Variants in UBTD1 observed in about 807,000 individuals in gnomAD.
The protein encoded by UBTD1 is ubiquitin domain-containing protein 1.
In UBTD1, 19 loss-of-function variants were observed where a neutral mutation model predicts 21.7. That is an observed-to-expected ratio of 0.87 (90% CI 0.61 to 1.28). The LOEUF (loss-of-function observed/expected upper bound fraction) is 1.28. Ranked by LOEUF, UBTD1 falls within the 50% of genes most tolerant of loss-of-function variation. The pLI is 0.00. For missense variants in UBTD1, 282 were observed against 315.1 expected (o/e 0.89, Z 0.80); for synonymous variants, 116 against 135.1 (o/e 0.86, Z 0.98).
chr10:97,540,119 T>C (rs1463092516), intron 1 of UBTD1, among the ~76,000 whole-genome samples: 6 of 152,216 alleles, frequency 3.9e-5, no homozygotes, highest in African/African-American at 1.4e-4. Flanking sequence ...TGGATCCTGT[T>C]ACCCTCCTAT....
chr10:97,537,611 G>A (rs1003458283), intron 1 of UBTD1, among the ~76,000 whole-genome samples: 10 of 152,118 alleles, frequency 6.6e-5, no homozygotes, highest in Non-Finnish European at 1.5e-5. Context: ...GGTGAGTGAG[G>A]TAAGAGGTCT....
intron 1 of UBTD1, among the ~76,000 whole-genome samples, chr10:97,528,244 G>A (rs1589872926): frequency 8.0e-6 from 1 of 124,720 alleles, no homozygotes; most frequent in South Asian, 3.0e-4. Context: ...TCCCAGTAGG[G>A]GCGGCCGGGC....
intron 1 of UBTD1, among the ~76,000 whole-genome samples, chr10:97,556,308 A>G (rs545166302): frequency 8.7e-4 from 124 of 142,862 alleles, no homozygotes; most frequent in Middle Eastern, 7.4e-3. Context: ...GCCTGTGATC[A>G]TCTATGTGTA....
intron 1 of UBTD1, among the ~76,000 whole-genome samples, chr10:97,502,919 A>AT (rs1411573197): frequency 0.036 from 4,351 of 121,592 alleles, 90 homozygotes; most frequent in Non-Finnish European, 0.051. Context: ...GTATATATAT[A>AT]TTTTTTTTTT....
At chr10:97,555,178 T>C (rs1164153697) in intron 1 of UBTD1, among the ~76,000 whole-genome samples, 1 of 152,200 alleles carries the variant, frequency 6.6e-6, no homozygotes, top group Non-Finnish European at 1.5e-5. Flanking sequence ...CACTGTATAA[T>C]GATTGTGACT....
intron 1 of UBTD1, among the ~76,000 whole-genome samples, chr10:97,517,092 C>G (rs1401139172): frequency 6.6e-6 from 1 of 152,098 alleles, no homozygotes; most frequent in Non-Finnish European, 1.5e-5. Flanking sequence ...GGGAGACCAC[C>G]TGGGAGCCTG....
chr10:97,519,120 A>G lies in UBTD1; in HGVS notation c.70+19847A>G, dbSNP rs186316659. 4.1e-3 allele frequency among the ~76,000 whole-genome samples: 626 copies of G among 152,312 alleles called. 2 individuals carry two copies. The highest frequency in any genetic ancestry group is 7.8e-3 in the Admixed American group (119 of 15,300). Reference sequence around the variant, plus strand: ...ATCTCCGGAGCCCACTTGAACTTCAAGTTTTCGTTTTCTCTAGTTGCCTGT... The same window carrying G: ...ATCTCCGGAGCCCACTTGAACTTCAGGTTTTCGTTTTCTCTAGTTGCCTGT... On this transcript the variant is annotated intron_variant, in intron 1 of 2. Coordinates refer to ENST00000370664, the MANE Select transcript of UBTD1 (RefSeq NM_024954.5).
intron 1 of UBTD1, among the ~76,000 whole-genome samples, chr10:97,562,783 C>T (rs1422684717): frequency 6.6e-6 from 1 of 152,090 alleles, no homozygotes; most frequent in Non-Finnish European, 1.5e-5. Context: ...TCCTTCAGGC[C>T]ATCTGGATGT....
chr10:97,528,902 C>A (rs1325932576), intron 1 of UBTD1, among the ~76,000 whole-genome samples: 2 of 142,988 alleles, frequency 1.4e-5, no homozygotes, highest in African/African-American at 2.6e-5. Context: ...GGGGGGCTGA[C>A]CCCCCACCTC....
intron 1 of UBTD1, among the ~76,000 whole-genome samples, chr10:97,549,664 G>A (rs750392769): frequency 3.9e-5 from 6 of 152,128 alleles, no homozygotes; most frequent in African/African-American, 9.7e-5. Context: ...AGAGATGCCC[G>A]GTAAGAAGCC....
At chr10:97,518,742 T>C (rs2040454980) in intron 1 of UBTD1, among the ~76,000 whole-genome samples, 1 of 152,254 alleles carries the variant, frequency 6.6e-6, no homozygotes, top group South Asian at 2.1e-4. Flanking sequence ...GAAATGAGAA[T>C]GAGAGGGTTG....
chr10:97,554,083 A>G (rs2040652946), intron 1 of UBTD1, among the ~76,000 whole-genome samples: 1 of 152,184 alleles, frequency 6.6e-6, no homozygotes, highest in Admixed American at 6.5e-5. Flanking sequence ...AGGGGCCACC[A>G]TGGAGCTGTG....
chr10:97,499,033 G>A lies in UBTD1; in HGVS notation c.-171G>A. On this transcript the variant is annotated 5_prime_UTR_variant, in exon 1 of 3. Transcript: ENST00000370664. The stretch of plus-strand genomic sequence containing the variant: ...AGTCTGCCACTTCCCTCTCTCCCCT[G>A]GCCCGCAAAGTTTTGGCGGAGCCAT... 2.8e-6 allele frequency: 2 copies of A among 720,396 alleles called. No homozygotes were observed. The highest frequency in any genetic ancestry group is 4.3e-6 in the Non-Finnish European group (2 of 461,574). 44.6% of individuals were successfully genotyped at this position (720,396 alleles called of 1,614,324 possible).
At chr10:97,545,856 A>G (rs10882960) in intron 1 of UBTD1, among the ~76,000 whole-genome samples, 145,660 of 152,310 alleles carry the variant, frequency 0.96, 69,812 homozygotes, top group Non-Finnish European at 0.99. Flanking sequence ...TCTCACTGTT[A>G]CCCAGTCTGG....
chr10:97,513,660 A>G (rs961655194), intron 1 of UBTD1, among the ~76,000 whole-genome samples: 2 of 152,148 alleles, frequency 1.3e-5, no homozygotes, highest in African/African-American at 4.8e-5. Context: ...AAAGAAGAAA[A>G]TCTTTGTACT....
intron 1 of UBTD1, among the ~76,000 whole-genome samples, chr10:97,504,697 T>C (rs1475205624): frequency 6.6e-6 from 1 of 152,214 alleles, no homozygotes; most frequent in South Asian, 2.1e-4. Flanking sequence ...TGGTAAATAG[T>C]TGTTGGATAA....
intron 1 of UBTD1, among the ~76,000 whole-genome samples, chr10:97,539,671 T>C (rs1399691902): frequency 6.6e-6 from 1 of 152,190 alleles, no homozygotes; most frequent in Admixed American, 6.5e-5. Context: ...AGGCCTCACC[T>C]GCCTACTCCC....
chr10:97,565,178 A>C (rs146416188), intron 1 of UBTD1, among the ~76,000 whole-genome samples: 1 of 152,208 alleles, frequency 6.6e-6, no homozygotes, highest in East Asian at 1.9e-4. Context: ...ATCTCTTCAA[A>C]TATTTTACGG....
At chr10:97,517,362 G>A (rs1048395195) in intron 1 of UBTD1, among the ~76,000 whole-genome samples, 1 of 152,108 alleles carries the variant, frequency 6.6e-6, no homozygotes, top group Admixed American at 6.5e-5. Flanking sequence ...TTTACAGCAG[G>A]AAGGGAAGTC....
Sources: gnomAD v4.1 joint callset for allele counts (sites outside exome capture counted in the v4.1 genomes callset) on GRCh38, gnomAD v4.1.1 for gene constraint, MANE v1.5 for transcripts, NCBI Gene and HGNC (gene_info 2026-07-23, HGNC 2026-07-21) for gene names.